Variants in FLNB observed in about 807,000 individuals in gnomAD.
FLNB encodes the protein filamin B.
Under a neutral mutation model 250.6 loss-of-function variants are expected in FLNB, and 111 were observed. The ratio of observed to expected loss-of-function variants is 0.44; its 90% CI spans 0.38 to 0.52. The LOEUF (loss-of-function observed/expected upper bound fraction) is 0.52. FLNB is among the 20% of genes least tolerant of loss of function. FLNB has a pLI of 0.00. For missense variants in FLNB, 2,869 were observed against 3,447.8 expected (o/e 0.83, Z 4.20); for synonymous variants, 1,302 against 1,372.1 (o/e 0.95, Z 1.13).
rs910146018 is a variant in FLNB, at chr3:58,134,677, G to A, written c.4576G>A (p.Gly1526Ser). 1.9e-6 allele frequency: 3 copies of A among 1,613,982 alleles called. No individual in the cohort carries two copies. Among genetic ancestry groups the A allele is most frequent in the Non-Finnish European group, 2.5e-6 (3 of 1,180,018 alleles). Residue 1526 changes from glycine (G) to serine (S), a missense_variant, in exon 27 of 46, where the codon GGC (glycine) becomes AGC (serine). Transcript: ENST00000295956. ...CAGCAAAGTGACTGCCAGTGGCCCC[G>A]GCCTTAGTTCCTATGGTGTGCCTGC... ...DASKVTASGP[G>S]LSSYGVPASL...
At chr3:58,111,122 C>G (rs1010000825) in intron 16 of FLNB, among the ~76,000 whole-genome samples, 32 of 152,134 alleles carry the variant, frequency 2.1e-4, no homozygotes, top group African/African-American at 7.7e-4. Context: ...ACTTTGATGC[C>G]TTTGAAGCAA....
intron 1 of FLNB, among the ~76,000 whole-genome samples, chr3:58,042,350 T>G (rs1185807720): frequency 6.6e-6 from 1 of 150,868 alleles, no homozygotes; most frequent in Admixed American, 6.6e-5. Context: ...TGTAGGTTTT[T>G]TTTTTTTTTT....
intron 24 of FLNB, among the ~76,000 whole-genome samples, chr3:58,129,272 G>T (rs2097302547): frequency 6.6e-6 from 1 of 152,196 alleles, no homozygotes; most frequent in East Asian, 1.9e-4. Flanking sequence ...GCATGAGGAA[G>T]AAGATCTGGC....
chr3:58,034,813 C>A (rs935175858), intron 1 of FLNB, among the ~76,000 whole-genome samples: 2 of 152,140 alleles, frequency 1.3e-5, no homozygotes, highest in African/African-American at 2.4e-5. Context: ...TCTCCACAGA[C>A]GGGTGGGTGT....
rs1187107337 is a variant in FLNB, at chr3:58,036,471, T to TGA, written c.292+27615_292+27616insGA. 5.9e-5 allele frequency among the ~76,000 whole-genome samples: 9 copies of TGA among 152,060 alleles called. No individual in the cohort carries two copies. In the East Asian group the frequency reaches 1.5e-3, roughly 26 times the overall value. ...GGGTCGAAGTGACGTTTTCTTGCTG[T>TGA]CTTCTGTTCCTGGGTGGGATGGCAG... On this transcript the variant is annotated intron_variant, in intron 1 of 45. Coordinates refer to ENST00000295956, the MANE Select transcript of FLNB (RefSeq NM_001457.4).
chr3:58,103,267 T>G (rs1274177461), intron 9 of FLNB, among the ~76,000 whole-genome samples: 4 of 63,812 alleles, frequency 6.3e-5, no homozygotes, highest in South Asian at 8.2e-4. Context: ...CCAAGGAGGG[T>G]GTGTGTGTGT....
At chr3:58,118,554 C>T (rs1298737112) in intron 18 of FLNB, among the ~76,000 whole-genome samples, 1 of 152,170 alleles carries the variant, frequency 6.6e-6, no homozygotes, top group Non-Finnish European at 1.5e-5. Flanking sequence ...AATGAGATGA[C>T]AGTAGGAACT....
At chr3:58,088,767 T>C (rs2097221292) in intron 4 of FLNB, among the ~76,000 whole-genome samples, 1 of 152,168 alleles carries the variant, frequency 6.6e-6, no homozygotes. Flanking sequence ...GAAAAAACTA[T>C]GCAGCCCCAC....
rs2097288469 is a variant in FLNB at position 58,121,354 on chromosome 3, G to A, written c.2977G>A (p.Val993Met). 1.2e-6 allele frequency: 2 copies of A among 1,614,084 alleles called. No homozygotes were observed. Among genetic ancestry groups the A allele is most frequent in the Admixed American group, 1.7e-5 (1 of 60,004 alleles). Residue 993 changes from valine to methionine, a missense_variant, in exon 20 of 46, where the codon GTG becomes ATG. By Grantham distance (21) the Val-to-Met change is conservative. This residue lies in a region of FLNB where 1,348 missense variants were observed against 1,466.7 expected (regional missense o/e 0.92). Coordinates refer to ENST00000295956, the MANE Select transcript of FLNB (RefSeq NM_001457.4). ...SPSRKVVPCL[V>M]TPVTGRENST... ...CTCTCGGAAGGTCGTGCCATGCCTA[G>A]TGACACCTGTGACAGGCCGGGAGAA...
intron 13 of FLNB, 113 bp from the exon 14 acceptor site, chr3:58,109,066 A>T: frequency 1.6e-6 from 2 of 1,244,064 alleles, no homozygotes; most frequent in Admixed American, 1.8e-5. Context: ...TGGTCCATGA[A>T]GTTTTGTTGT....
At chr3:58,062,000 A>G (rs181059676) in intron 1 of FLNB, among the ~76,000 whole-genome samples, 65 of 151,822 alleles carry the variant, frequency 4.3e-4, no homozygotes, top group Middle Eastern at 3.4e-3. Context: ...CTGAGGTGGG[A>G]GAATCGCTTG....
chr3:58,019,566 C>T (rs541131824), intron 1 of FLNB, among the ~76,000 whole-genome samples: 1 of 152,328 alleles, frequency 6.6e-6, no homozygotes, highest in South Asian at 2.1e-4. Context: ...TCCCTGCCTG[C>T]ATCATGCTGT....
chr3:58,016,557 T>A (rs2097106073), intron 1 of FLNB, among the ~76,000 whole-genome samples: 1 of 151,526 alleles, frequency 6.6e-6, no homozygotes, highest in Non-Finnish European at 1.5e-5. Flanking sequence ...TATTAGTAAA[T>A]CTTAGTTTCT....
chr3:58,064,315 A>T (rs2097182441), intron 1 of FLNB, among the ~76,000 whole-genome samples: 1 of 151,910 alleles, frequency 6.6e-6, no homozygotes, highest in South Asian at 2.1e-4. Flanking sequence ...TAATTTTCGT[A>T]TTTTTAGTAG....
At chr3:58,059,062 A>G (rs1292753888) in intron 1 of FLNB, among the ~76,000 whole-genome samples, 1 of 152,206 alleles carries the variant, frequency 6.6e-6, no homozygotes, top group East Asian at 1.9e-4. Context: ...GTACGTTGGC[A>G]TGTTAAAGGC....
At chr3:58,119,557 T>A (rs1162685386) in intron 19 of FLNB, among the ~76,000 whole-genome samples, 2 of 152,198 alleles carry the variant, frequency 1.3e-5, no homozygotes, top group East Asian at 3.8e-4. Flanking sequence ...TTTCTGATTA[T>A]TTTTTAGTAG....
At position 58,096,107 on chromosome 3, in the gene FLNB, A is replaced by T. The variant is rs1281076717; in HGVS notation, c.907-34A>T. The T allele has an allele frequency of 2.6e-6, 4 of 1,546,458 alleles. No homozygotes were observed. The East Asian group carries it at 9.0e-5, about 35-fold the overall frequency. ...AGCATGCTCCTTACTCACACCCGGC[A>T]CCTTTTCTAACTGTTGCCCACCTTC... On this transcript the variant is annotated intron_variant, in intron 5 of 45. Coordinates refer to ENST00000295956, the MANE Select transcript of FLNB (RefSeq NM_001457.4).
intron 1 of FLNB, among the ~76,000 whole-genome samples, chr3:58,062,322 C>A (rs1396326995): frequency 6.6e-6 from 1 of 152,142 alleles, no homozygotes; most frequent in Admixed American, 6.5e-5. Context: ...ATCATAGAAG[C>A]CTATTCATAT....
At chr3:58,165,538 C>T (rs2097368884) in intron 43 of FLNB, 2 of 152,232 alleles carry the variant, frequency 1.3e-5, no homozygotes, top group Admixed American at 1.3e-4. Flanking sequence ...CGCCCAGTAT[C>T]CTGACCTTCT....
Sources: gnomAD v4.1 joint callset for allele counts (sites outside exome capture counted in the v4.1 genomes callset) on GRCh38, gnomAD v4.1.1 for gene constraint, gnomAD v4.1.1 regional missense constraint, MANE v1.5 for transcripts, NCBI Gene and HGNC (gene_info 2026-07-23, HGNC 2026-07-21) for gene names.